The following MYO3B variants were observed in gnomAD, a reference collection of about 807,000 sequenced individuals.
MYO3B encodes myosin IIIB.
MYO3B carries 156 observed loss-of-function variants against 174.6 expected under a neutral mutation model. The ratio of observed to expected loss-of-function variants is 0.89; its 90% CI spans 0.78 to 1.02. The LOEUF is 1.02. Among genes scored for constraint, MYO3B ranks in the 50% least tolerant of loss-of-function variants. The probability of loss-of-function intolerance (pLI) is 0.00; values close to 1 mark genes in which losing one functional copy is unlikely to be tolerated. For synonymous variants in MYO3B, 563 were observed against 569.1 expected (o/e 0.99, Z 0.15); for missense variants, 1,632 against 1,639.4 (o/e 1.00, Z 0.08).
intron 3 of MYO3B, among the ~76,000 whole-genome samples, chr2:170,203,010 G>A (rs1486896042): frequency 6.6e-6 from 1 of 152,142 alleles, no homozygotes; most frequent in Admixed American, 6.5e-5. Flanking sequence ...CTAATTGTTA[G>A]TAGAAAGCAA....
intron 3 of MYO3B, among the ~76,000 whole-genome samples, chr2:170,205,434 T>C (rs2092704228): frequency 6.6e-6 from 1 of 152,144 alleles, no homozygotes; most frequent in African/African-American, 2.4e-5. Flanking sequence ...AATAGCATGC[T>C]TGCAATGCAA....
At chr2:170,332,673 A>G (rs1236681056) in intron 7 of MYO3B, among the ~76,000 whole-genome samples, 1 of 152,206 alleles carries the variant, frequency 6.6e-6, no homozygotes, top group Non-Finnish European at 1.5e-5. Flanking sequence ...CCAACTTGCT[A>G]TGATGCTGGG....
At chr2:170,457,378 T>C (rs1263222234) in intron 23 of MYO3B, among the ~76,000 whole-genome samples, 1 of 152,232 alleles carries the variant, frequency 6.6e-6, no homozygotes, top group Non-Finnish European at 1.5e-5. Flanking sequence ...TTCACTTTTT[T>C]TTTTGTAATA....
intron 23 of MYO3B, among the ~76,000 whole-genome samples, chr2:170,458,103 T>C (rs1684013938): frequency 2.6e-5 from 4 of 152,232 alleles, no homozygotes; most frequent in Admixed American, 2.6e-4. Context: ...AACATAGTTA[T>C]TTACTATCAT....
intron 7 of MYO3B, among the ~76,000 whole-genome samples, chr2:170,251,136 G>T (rs2093248776): frequency 6.6e-6 from 1 of 151,982 alleles, no homozygotes; most frequent in African/African-American, 2.4e-5. Context: ...CGTGTCAACT[G>T]TACATAGCTT....
chr2:170,254,611 G>C (rs1559338142), intron 7 of MYO3B, among the ~76,000 whole-genome samples: 1 of 152,194 alleles, frequency 6.6e-6, no homozygotes, highest in Non-Finnish European at 1.5e-5. Context: ...GCTTGACCCA[G>C]AGGGGTCAGA....
chr2:170,546,989 A>C (rs996432374), intron 32 of MYO3B, among the ~76,000 whole-genome samples: 7 of 152,084 alleles, frequency 4.6e-5, no homozygotes, highest in Admixed American at 3.9e-4. Flanking sequence ...ATAAGTCTCT[A>C]AATATGGGGC....
chr2:170,387,634 A>G (rs573387199), intron 14 of MYO3B, among the ~76,000 whole-genome samples: 1 of 152,342 alleles, frequency 6.6e-6, no homozygotes, highest in South Asian at 2.1e-4. Context: ...GTTAAAAAAG[A>G]AAAAGACACC....
intron 32 of MYO3B, among the ~76,000 whole-genome samples, chr2:170,613,560 C>T (rs935942339): frequency 6.6e-6 from 1 of 152,196 alleles, no homozygotes; most frequent in African/African-American, 2.4e-5. Flanking sequence ...AAGTCCGAGT[C>T]CTGTGATGGT....
intron 32 of MYO3B, among the ~76,000 whole-genome samples, chr2:170,623,423 T>G (rs1696109137): frequency 6.6e-6 from 1 of 152,240 alleles, no homozygotes; most frequent in Non-Finnish European, 1.5e-5. Context: ...TGGGGTTGTT[T>G]GATTTTTTCT....
intron 28 of MYO3B, among the ~76,000 whole-genome samples, chr2:170,514,698 A>G (rs902409329): frequency 3.4e-4 from 51 of 152,226 alleles, no homozygotes; most frequent in Non-Finnish European, 1.0e-4. Context: ...TCTGGCCAGA[A>G]CAATTATTAA....
intron 31 of MYO3B, among the ~76,000 whole-genome samples, chr2:170,543,219 C>G (rs894118120): frequency 6.6e-6 from 1 of 152,088 alleles, no homozygotes; most frequent in Admixed American, 6.5e-5. Context: ...GTTAGCTGCT[C>G]CCTGAGGTGA....
intron 7 of MYO3B, among the ~76,000 whole-genome samples, chr2:170,282,327 A>T (rs3953398): frequency 0.83 from 126,092 of 152,178 alleles, 52,689 homozygotes; most frequent in East Asian, 0.95. Context: ...CATATAGATA[A>T]CCAATTTTCC....
intron 7 of MYO3B, among the ~76,000 whole-genome samples, chr2:170,291,745 T>A (rs1159579815): frequency 4.0e-5 from 6 of 151,738 alleles, no homozygotes; most frequent in African/African-American, 1.5e-4. Context: ...ACTTTGAAAA[T>A]GCCATTTTTT....
chr2:170,561,238 T>A (rs776153769), intron 32 of MYO3B, among the ~76,000 whole-genome samples: 1 of 152,176 alleles, frequency 6.6e-6, no homozygotes, highest in Non-Finnish European at 1.5e-5. Flanking sequence ...AATGGATGCC[T>A]CCCTCTCATC....
At position 170,417,195 on chromosome 2, in the gene MYO3B, A is replaced by G. The variant is rs2094586318; in HGVS notation, c.2650+9351A>G. On this transcript the variant is annotated intron_variant, in intron 22 of 34. Coordinates refer to ENST00000408978, the MANE Select transcript of MYO3B (RefSeq NM_138995.5). Reference sequence around the variant, plus strand: ...AAAGAGAGGTCTTCTCTGTCTACCCAATGGAAAGTAGCCCCTCTCTTCCCC... The same window carrying G: ...AAAGAGAGGTCTTCTCTGTCTACCCGATGGAAAGTAGCCCCTCTCTTCCCC... Among the ~76,000 whole-genome samples, 5 of 152,114 alleles carry G rather than the reference A, an allele frequency of 3.3e-5. No individual in the cohort carries two copies. The South Asian group carries it at 1.0e-3, about 32-fold the overall frequency.
chr2:170,506,005 A>C (rs2106099616), intron 28 of MYO3B, among the ~76,000 whole-genome samples: 1 of 152,370 alleles, frequency 6.6e-6, no homozygotes, highest in South Asian at 2.1e-4. Context: ...ATGTTATCAC[A>C]AGATAACAAT....
intron 7 of MYO3B, among the ~76,000 whole-genome samples, chr2:170,241,736 T>G (rs968915585): frequency 1.3e-5 from 2 of 152,172 alleles, no homozygotes; most frequent in Non-Finnish European, 2.9e-5. Flanking sequence ...GTGTGTCTAT[T>G]TGAAGAGCTT....
chr2:170,270,734 C>T (rs1483436084), intron 7 of MYO3B, among the ~76,000 whole-genome samples: 1 of 152,090 alleles, frequency 6.6e-6, no homozygotes, highest in Non-Finnish European at 1.5e-5. Context: ...TAGGAGAGGA[C>T]GTAGCAGGGT....
Sources: allele counts gnomAD v4.1 joint callset (sites outside exome capture counted in the v4.1 genomes callset), GRCh38; gene constraint gnomAD v4.1.1; transcripts MANE v1.5; gene names NCBI Gene and HGNC (gene_info 2026-07-23, HGNC 2026-07-21).